Variants in BCL11B observed in about 807,000 individuals in gnomAD.
The protein encoded by BCL11B is BCL11 transcription factor B, also known as B-cell lymphoma/leukemia 11B.
BCL11B carries 8 observed loss-of-function variants against 49.9 expected under a neutral mutation model. That is an observed-to-expected ratio of 0.16 (90% CI 0.09 to 0.29). The LOEUF is 0.29. Among genes scored for constraint, BCL11B ranks in the 10% least tolerant of loss-of-function variants. The probability of loss-of-function intolerance (pLI) is 1.00; values close to 1 mark genes in which losing one functional copy is unlikely to be tolerated. For missense variants in BCL11B, 1,006 were observed against 1,351.0 expected (o/e 0.74, Z 4.00); for synonymous variants, 739 against 637.4 (o/e 1.16, Z -2.40).
In BCL11B at chr14:99,248,612, G is replaced by C. The variant is rs956807551; in HGVS notation, c.427+8859C>G. ...GTGAGTGGACCAAATTCTCCCATAAGGATCTTCACAGCCTGGGGCAGAAAG... is the reference window on the plus strand; with the variant it reads ...GTGAGTGGACCAAATTCTCCCATAACGATCTTCACAGCCTGGGGCAGAAAG... On this transcript the variant is annotated intron_variant, in intron 2 of 3. Coordinates refer to ENST00000357195, the MANE Select transcript of BCL11B (RefSeq NM_138576.4). This position sits in a 1 kb window ranked among gnomAD's most constrained non-coding sequence, Gnocchi z 4.7. Among the ~76,000 whole-genome samples the C allele has an allele frequency of 6.6e-6, 1 of 152,140 alleles. No individual in the cohort carries two copies. Among genetic ancestry groups the C allele is most frequent in the Non-Finnish European group, 1.5e-5 (1 of 68,020 alleles).
intron 3 of BCL11B, among the ~76,000 whole-genome samples, chr14:99,177,130 C>A (rs1013185296): frequency 1.3e-5 from 2 of 152,040 alleles, no homozygotes; most frequent in Admixed American, 6.5e-5. Context: ...CACACACACG[C>A]CCAAACACCG....
chr14:99,227,832 G>A (rs1297628718), intron 3 of BCL11B, among the ~76,000 whole-genome samples: 1 of 152,074 alleles, frequency 6.6e-6, no homozygotes, highest in African/African-American at 2.4e-5. Context: ...ATTTCTCAGG[G>A]AAGAAATTTC....
At chr14:99,224,925 CACAGGGA>C (rs1888116829) in intron 3 of BCL11B, among the ~76,000 whole-genome samples, 1 of 152,172 alleles carries the variant, frequency 6.6e-6, no homozygotes, top group Admixed American at 6.5e-5. Context: ...CACAGAGCCC[CACAGGGA>C]CAGGGCAGCC....
At chr14:99,203,890 C>T (rs934323556) in intron 3 of BCL11B, among the ~76,000 whole-genome samples, 4 of 149,482 alleles carry the variant, frequency 2.7e-5, no homozygotes, top group African/African-American at 5.1e-5. Flanking sequence ...TCAATCTTAT[C>T]GCAACGCCCC....
rs1237259853 is a variant in BCL11B, at chr14:99,229,153, T to TGGAC, written c.640+2188_640+2191dup. 1.4e-3 allele frequency among the ~76,000 whole-genome samples: 204 copies of TGGAC among 148,184 alleles called. 2 individuals carry two copies. The highest frequency in any genetic ancestry group is 8.7e-3 in the East Asian group (44 of 5,062). On this transcript the variant is annotated intron_variant, in intron 3 of 3. Coordinates refer to ENST00000357195, the MANE Select transcript of BCL11B (RefSeq NM_138576.4). ...ATGGATGGATGGATGGATGGATGGA[T>TGGAC]GGACGGACGGATAGACGTGAGCTGT...
chr14:99,217,242 C>T (rs1263431703), intron 3 of BCL11B, among the ~76,000 whole-genome samples: 1 of 152,168 alleles, frequency 6.6e-6, no homozygotes, highest in Non-Finnish European at 1.5e-5. Flanking sequence ...ATATGCACAT[C>T]CACACATACA....
chr14:99,258,133 G>A (rs1216739448), intron 1 of BCL11B, among the ~76,000 whole-genome samples: 1 of 152,198 alleles, frequency 6.6e-6, no homozygotes, highest in Non-Finnish European at 1.5e-5. Flanking sequence ...CCCCAACGTA[G>A]TATAAGAACA....
In BCL11B at chr14:99,239,308, T is replaced by C. The variant is rs568468084; in HGVS notation, c.428-7751A>G. On this transcript the variant is annotated intron_variant, in intron 2 of 3. Coordinates refer to ENST00000357195, the MANE Select transcript of BCL11B (RefSeq NM_138576.4). ...GCGTCCAGAGCCACAAACAGTATAC[T>C]ACATGTCATCTGCATGAAGAATAAC... is the stretch of plus-strand genomic sequence containing the variant. Among the ~76,000 whole-genome samples, 3 of 152,224 alleles carry C rather than the reference T, an allele frequency of 2.0e-5. No homozygotes were observed. In the South Asian group the frequency reaches 6.2e-4, roughly 32 times the overall value.
chr14:99,209,901 C>T (rs1299276382), intron 3 of BCL11B, among the ~76,000 whole-genome samples: 1 of 152,192 alleles, frequency 6.6e-6, no homozygotes, highest in African/African-American at 2.4e-5. Flanking sequence ...ACAGCTGCAA[C>T]ACTTAGGCCA....
rs1265066663 is a variant in BCL11B at position 99,228,695 on chromosome 14, G to T, written c.640+2650C>A. 6.6e-6 allele frequency among the ~76,000 whole-genome samples: 1 copy of T among 152,206 alleles called. No homozygotes were observed. Among genetic ancestry groups the T allele is most frequent in the Non-Finnish European group, 1.5e-5 (1 of 68,036 alleles). On this transcript the variant is annotated intron_variant, in intron 3 of 3. Transcript: ENST00000357195. This position sits in a 1 kb window ranked among gnomAD's most constrained non-coding sequence, Gnocchi z 4.8. ...CAGAAGAAGAGCCAAAGCCAAAGAT[G>T]TGGCAGGTGCTGGATGGAGAGCCTG...
intron 2 of BCL11B, among the ~76,000 whole-genome samples, chr14:99,240,691 C>T (rs374616020): frequency 6.3e-4 from 96 of 152,296 alleles, no homozygotes; most frequent in Non-Finnish European, 1.1e-3. Flanking sequence ...TATTTTTTGA[C>T]GTGAAATCCG....
At chr14:99,180,109 G>A (rs1271517005) in intron 3 of BCL11B, among the ~76,000 whole-genome samples, 1 of 152,132 alleles carries the variant, frequency 6.6e-6, no homozygotes, top group Admixed American at 6.5e-5. Flanking sequence ...CCCCCCTCCA[G>A]GAACTGAGGG....
At position 99,173,536 on chromosome 14, in the gene BCL11B, CA is replaced by C. The variant is rs1157170169; in HGVS notation, c.*614del. 2.5e-5 allele frequency: 5 copies of C among 201,508 alleles called. No individual in the cohort carries two copies. Among genetic ancestry groups the C allele is most frequent in the Non-Finnish European group, 5.0e-5 (5 of 100,436 alleles). 12.5% of individuals were successfully genotyped at this position (201,508 alleles called of 1,614,324 possible). A position where few individuals can be genotyped will look rare whatever the true frequency, so the allele number is the denominator to read the frequency against. ...TTATCCGCTGTACATCCACACCCCC[CA>C]CCCCAAAAACAAAAACCAAAAAAAA... On this transcript the variant is annotated 3_prime_UTR_variant, in exon 4 of 4. Coordinates refer to ENST00000357195, the MANE Select transcript of BCL11B (RefSeq NM_138576.4).
intron 3 of BCL11B, among the ~76,000 whole-genome samples, chr14:99,204,308 C>T (rs961648363): frequency 6.6e-6 from 1 of 152,158 alleles, no homozygotes; most frequent in Admixed American, 6.5e-5. Context: ...CTCTCTCTCC[C>T]TGGGGTTAGT....
In BCL11B at chr14:99,184,085, C is replaced by G. The variant is rs777211616; in HGVS notation, c.641-7890G>C. On this transcript the variant is annotated intron_variant, in intron 3 of 3. Coordinates refer to ENST00000357195, the MANE Select transcript of BCL11B (RefSeq NM_138576.4). The surrounding 1 kb of genome is among the most constrained non-coding windows in gnomAD (Gnocchi z 6.1). ...GGTGGGGCCTCCCTGATACCCAGGA[C>G]GATGTATCAGGCACCCCAGCCTTTG... 1.3e-5 allele frequency among the ~76,000 whole-genome samples: 2 copies of G among 152,142 alleles called. No individual in the cohort carries two copies. Among genetic ancestry groups the G allele is most frequent in the African/African-American group, 4.8e-5 (2 of 41,422 alleles).
In BCL11B at chr14:99,179,517, G is replaced by A. The variant is rs529119414; in HGVS notation, c.641-3322C>T. On this transcript the variant is annotated intron_variant, in intron 3 of 3. Transcript: ENST00000357195. The stretch of plus-strand genomic sequence containing the variant: ...AAAAAAAAGCTTCTAAAACTAACTT[G>A]GAGCAACATAGGGAGGGCATTACCT... 5.3e-4 allele frequency among the ~76,000 whole-genome samples: 77 copies of A among 146,612 alleles called. 1 individual carries two copies. Among genetic ancestry groups the A allele is most frequent in the Admixed American group, 1.5e-3 (22 of 14,622 alleles).
chr14:99,263,865 G>A (rs566080563), intron 1 of BCL11B, among the ~76,000 whole-genome samples: 40 of 152,254 alleles, frequency 2.6e-4, no homozygotes, highest in Non-Finnish European at 1.5e-5. Flanking sequence ...AGTGAATAAG[G>A]AAAACATACT....
chr14:99,260,540 G>C (rs1889306210), intron 1 of BCL11B, among the ~76,000 whole-genome samples: 1 of 152,122 alleles, frequency 6.6e-6, no homozygotes, highest in Non-Finnish European at 1.5e-5. Context: ...AAACACAGAT[G>C]AATTTAAAAA....
Position 99,175,358 on chromosome 14 carries a change from G to A in BCL11B, c.1478C>T (p.Ser493Leu). Reference protein sequence around the residue: ...SLAGRSDDGLSAASSPEPGTS... With the variant: ...SLAGRSDDGLLAASSPEPGTS... ...GCCGGGCTCGGGGGAGCTGGCGGCCGAGAGCCCGTCGTCGGAGCGGCCGGC... is the reference window on the plus strand; with the variant it reads ...GCCGGGCTCGGGGGAGCTGGCGGCCAAGAGCCCGTCGTCGGAGCGGCCGGC... The change falls in exon 4 of 4, where the codon TCG becomes TTG. Residue 493 changes from serine (S) to leucine (L), a missense_variant. Physicochemically the swap from Ser to Leu is moderately radical, Grantham distance 145. Transcript: ENST00000357195. The A allele has an allele frequency of 1.3e-6, 2 of 1,571,956 alleles. No individual in the cohort carries two copies. The highest frequency in any genetic ancestry group is 1.7e-6 in the Non-Finnish European group (2 of 1,163,968).
Sources: gnomAD v4.1 joint callset for allele counts (sites outside exome capture counted in the v4.1 genomes callset) on GRCh38, gnomAD v4.1.1 for gene constraint, Gnocchi (gnomAD v3.1) non-coding constraint, MANE v1.5 for transcripts, NCBI Gene and HGNC (gene_info 2026-07-23, HGNC 2026-07-21) for gene names.